The following EYS variants were observed in gnomAD, a reference collection of about 807,000 sequenced individuals.
The protein encoded by EYS is protein eyes shut homolog.
A neutral mutation model predicts 282.1 loss-of-function variants in EYS; 250 were observed. That is an observed-to-expected ratio of 0.89 (90% confidence interval 0.80 to 0.98). The LOEUF is 0.98. Among genes scored for constraint, EYS ranks in the 50% least tolerant of loss-of-function variants. EYS has a pLI of 0.00. For synonymous variants in EYS, 1,355 were observed against 1,282.9 expected, an observed-to-expected ratio of 1.06 and a Z score of -1.20; for missense variants, 4,016 against 3,709.0, an observed-to-expected ratio of 1.08 and a Z score of -2.15.
intron 22 of EYS, among the ~76,000 whole-genome samples, chr6:64,697,814 C>T (rs906708007): frequency 2.6e-5 from 4 of 151,976 alleles, no homozygotes; most frequent in Non-Finnish European, 4.4e-5. Context: ...TGGTGGCACG[C>T]ACCTGTAGTC....
chr6:65,351,557 T>A (rs1219470641), intron 9 of EYS, among the ~76,000 whole-genome samples: 1 of 151,796 alleles, frequency 6.6e-6, no homozygotes, highest in African/African-American at 2.4e-5. Flanking sequence ...TCAAAAATAC[T>A]TCTGCCATTT....
rs114717090 is a variant in EYS at position 65,491,374 on chromosome 6, C to T, written c.749-667G>A. 6.0e-3 allele frequency: 1,827 copies of T among 304,576 alleles called. 32 individuals carry two copies. Among genetic ancestry groups the T allele is most frequent in the African/African-American group, 0.038 (1,717 of 45,736 alleles). 18.9% of individuals were successfully genotyped at this position (304,576 alleles called of 1,614,324 possible). ...TATAATACCTTAGTAGAGGAATGTGCCTTGAAAATCCCAGGGCATAGCAAG... is the reference window on the plus strand; with the variant it reads ...TATAATACCTTAGTAGAGGAATGTGTCTTGAAAATCCCAGGGCATAGCAAG... On this transcript the variant is annotated intron_variant, in intron 4 of 42. Coordinates refer to ENST00000503581, the MANE Select transcript of EYS (RefSeq NM_001142800.2).
intron 26 of EYS, among the ~76,000 whole-genome samples, chr6:64,565,158 A>T (rs1467976615): frequency 6.6e-6 from 1 of 152,002 alleles, no homozygotes; most frequent in Non-Finnish European, 1.5e-5. Context: ...TTTTAGTTTT[A>T]TGTAATCCCA....
intron 33 of EYS, among the ~76,000 whole-genome samples, chr6:64,063,075 CTT>C (rs1221173178): frequency 7.2e-5 from 11 of 152,236 alleles, no homozygotes; most frequent in Admixed American, 2.0e-4. Context: ...TTGTCAGACT[CTT>C]TTATGATTTC....
At chr6:64,992,992 C>A (rs2150123471) in intron 14 of EYS, among the ~76,000 whole-genome samples, 1 of 152,100 alleles carries the variant, frequency 6.6e-6, no homozygotes, top group Middle Eastern at 3.4e-3. Flanking sequence ...TCCTGGGAGC[C>A]ACATTTGGTA....
At chr6:64,013,630 G>A (rs1337436248) in intron 33 of EYS, among the ~76,000 whole-genome samples, 1 of 152,028 alleles carries the variant, frequency 6.6e-6, no homozygotes, top group Non-Finnish European at 1.5e-5. Flanking sequence ...TTATTCCAGG[G>A]AAAGTGGCAA....
intron 36 of EYS, among the ~76,000 whole-genome samples, chr6:63,854,334 C>A (rs1772336523): frequency 1.3e-5 from 2 of 152,132 alleles, no homozygotes; most frequent in African/African-American, 4.8e-5. Context: ...AACCATCATT[C>A]TCAGCAAACT....
intron 30 of EYS, among the ~76,000 whole-genome samples, chr6:64,262,718 T>C (rs901083416): frequency 3.3e-5 from 5 of 152,010 alleles, no homozygotes; most frequent in African/African-American, 9.7e-5. Flanking sequence ...GCTCTTTTAG[T>C]TTCGTTTTCT....
chr6:64,691,255 C>T lies in EYS; in HGVS notation c.3444-65010G>A, dbSNP rs1456318227. ...AAGGTCACGAACAGGGCATGGATGA[C>T]TACTCTCCATCTTCTATTTAACATG... On this transcript the variant is annotated intron_variant, in intron 22 of 42. Coordinates refer to ENST00000503581, the MANE Select transcript of EYS (RefSeq NM_001142800.2). 3.3e-5 allele frequency among the ~76,000 whole-genome samples: 5 copies of T among 152,150 alleles called. No individual in the cohort carries two copies. The East Asian group carries it at 9.7e-4, about 29-fold the overall frequency.
At chr6:65,080,921 C>T (rs893839545) in intron 12 of EYS, among the ~76,000 whole-genome samples, 3 of 151,992 alleles carry the variant, frequency 2.0e-5, no homozygotes, top group African/African-American at 7.2e-5. Flanking sequence ...GTATCTTTAT[C>T]TATGTTTAAA....
rs141827415 is a variant in EYS, at chr6:64,398,368, A to G, written c.5928-9528T>C. Among the ~76,000 whole-genome samples the G allele has an allele frequency of 2.4e-3, 359 of 152,038 alleles. 1 individual carries two copies. The highest frequency in any genetic ancestry group is 8.3e-3 in the African/African-American group (344 of 41,544). ...ATTAAATAGGACAATCCTGTAAATT[A>G]TTCTCTTTTAATTCTTTGAAATATG... On this transcript the variant is annotated intron_variant, in intron 28 of 42. Transcript: ENST00000503581.
At chr6:64,975,261 G>A (rs1168745508) in intron 14 of EYS, among the ~76,000 whole-genome samples, 1 of 151,586 alleles carries the variant, frequency 6.6e-6, no homozygotes, top group Non-Finnish European at 1.5e-5. Context: ...ACACCCGCCT[G>A]TATTAATTTA....
intron 40 of EYS, among the ~76,000 whole-genome samples, chr6:63,768,926 T>G (rs1369565604): frequency 6.6e-6 from 1 of 152,054 alleles, no homozygotes; most frequent in Non-Finnish European, 1.5e-5. Flanking sequence ...TGAAGAAACA[T>G]GAATGCAGCT....
chr6:63,890,659 G>A (rs1217974575), intron 35 of EYS, among the ~76,000 whole-genome samples: 1 of 152,074 alleles, frequency 6.6e-6, no homozygotes, highest in Non-Finnish European at 1.5e-5. Flanking sequence ...ATCTAAAATC[G>A]ACACCCTAAC....
chr6:63,939,687 C>CAT (rs1289607435), intron 35 of EYS, among the ~76,000 whole-genome samples: 1 of 150,178 alleles, frequency 6.7e-6, no homozygotes, highest in Non-Finnish European at 1.5e-5. Flanking sequence ...ACTCACAAAC[C>CAT]ATATAGCCCA....
At chr6:63,845,197 T>TG (rs1772066809) in intron 36 of EYS, among the ~76,000 whole-genome samples, 1 of 152,108 alleles carries the variant, frequency 6.6e-6, no homozygotes, top group Non-Finnish European at 1.5e-5. Context: ...GTACTGAAGA[T>TG]GGGGGAGCAT....
chr6:65,650,333 G>T (rs1767609217), intron 1 of EYS, among the ~76,000 whole-genome samples: 1 of 152,072 alleles, frequency 6.6e-6, no homozygotes, highest in African/African-American at 2.4e-5. Flanking sequence ...AGGTTATAAG[G>T]CTATACTCAT....
chr6:64,897,398 A>G (rs1481404924), intron 18 of EYS, among the ~76,000 whole-genome samples: 1 of 152,180 alleles, frequency 6.6e-6, no homozygotes, highest in Non-Finnish European at 1.5e-5. Flanking sequence ...ACAGAAAGCA[A>G]TAGCATCAAC....
At chr6:64,417,977 T>A (rs34720667) in intron 28 of EYS, among the ~76,000 whole-genome samples, 1 of 152,058 alleles carries the variant, frequency 6.6e-6, no homozygotes, top group Non-Finnish European at 1.5e-5. Flanking sequence ...TGGCCTACGG[T>A]CTTGCTATTA....
Sources: allele counts gnomAD v4.1 joint callset (sites outside exome capture counted in the v4.1 genomes callset), GRCh38; gene constraint gnomAD v4.1.1; transcripts MANE v1.5; gene names NCBI Gene and HGNC (gene_info 2026-07-23, HGNC 2026-07-21).